The following PYM1 variants were observed in gnomAD, a reference collection of about 807,000 sequenced individuals.
The protein encoded by PYM1 is PYM1 exon junction complex associated factor, also known as partner of Y14 and mago.
PYM1 carries 7 observed loss-of-function variants against 20.7 expected under a neutral mutation model. The ratio of observed to expected loss-of-function variants is 0.34; its 90% CI spans 0.19 to 0.64. The LOEUF (loss-of-function observed/expected upper bound fraction) is 0.64, where lower values mean the gene tolerates loss of function less well. Ranked by LOEUF, PYM1 falls within the 30% of genes least tolerant of loss-of-function variation. The pLI, the probability that PYM1 is intolerant of heterozygous loss-of-function variation, is 0.74. For synonymous variants in PYM1, 100 were observed against 99.2 expected, an observed-to-expected ratio of 1.01 and a Z score of -0.05; for missense variants, 194 against 250.0, an observed-to-expected ratio of 0.78 and a Z score of 1.51.
At chr12:55,914,211 C>G in intron 1 of PYM1, 1 of 681,282 alleles carries the variant, frequency 1.5e-6, no homozygotes. Context: ...GCAGAAGCTT[C>G]TTGAATGGCC....
At chr12:55,922,407 C>G (rs1883112566) in intron 1 of PYM1, among the ~76,000 whole-genome samples, 1 of 124,582 alleles carries the variant, frequency 8.0e-6, no homozygotes, top group African/African-American at 3.1e-5. Context: ...CTCAGGAGTT[C>G]AAGACCAGCC....
chr12:55,909,390 C>CT (rs1882881539), intron 1 of PYM1, among the ~76,000 whole-genome samples: 1 of 152,110 alleles, frequency 6.6e-6, no homozygotes, highest in African/African-American at 2.4e-5. Context: ...GAGACAAGGG[C>CT]TGGAATGTTC....
At chr12:55,924,965 G>A (rs760307115) in intron 1 of PYM1, among the ~76,000 whole-genome samples, 8 of 152,188 alleles carry the variant, frequency 5.3e-5, no homozygotes, top group Non-Finnish European at 1.0e-4. Context: ...GATTATAGGC[G>A]TGAGCCGCCA....
In PYM1 at chr12:55,905,539, T is replaced by C. The variant is rs539855150; in HGVS notation, c.38-2059A>G. Among the ~76,000 whole-genome samples, 12 of 149,596 alleles carry C rather than the reference T, an allele frequency of 8.0e-5. No individual in the cohort carries two copies. The South Asian group carries it at 1.9e-3, about 24-fold the overall frequency. On this transcript the variant is annotated intron_variant, in intron 1 of 2. Coordinates refer to ENST00000408946, the MANE Select transcript of PYM1 (RefSeq NM_032345.3). ...TAATATGACAAAACCCTGTCTCTAC[T>C]AAAAATACAAAAATTAGCTGGGCGT...
At chr12:55,912,182 C>G (rs1882935371) in intron 1 of PYM1, among the ~76,000 whole-genome samples, 1 of 151,214 alleles carries the variant, frequency 6.6e-6, no homozygotes, top group South Asian at 2.1e-4. Context: ...AACCCTATCT[C>G]TACGAAAATA....
intron 1 of PYM1, among the ~76,000 whole-genome samples, chr12:55,905,228 C>G (rs2136257509): frequency 6.7e-6 from 1 of 150,116 alleles, no homozygotes; most frequent in South Asian, 2.1e-4. Flanking sequence ...CCAGAATGGT[C>G]TCAATCTCCT....
chr12:55,908,326 C>T (rs1403087573), intron 1 of PYM1, among the ~76,000 whole-genome samples: 3 of 150,586 alleles, frequency 2.0e-5, no homozygotes, highest in Admixed American at 6.6e-5. Context: ...CTACTGGGGA[C>T]GCAGAGGCAT....
intron 1 of PYM1, among the ~76,000 whole-genome samples, chr12:55,907,463 C>CAAA (rs770960966): frequency 3.8e-5 from 2 of 51,974 alleles, no homozygotes; most frequent in African/African-American, 6.3e-5. Flanking sequence ...TACATAAATA[C>CAAA]AAAAAAAAAA....
At chr12:55,904,595 C>CAAAAAAAA (rs57817659) in intron 1 of PYM1, among the ~76,000 whole-genome samples, 19 of 66,958 alleles carry the variant, frequency 2.8e-4, no homozygotes, top group Non-Finnish European at 4.0e-4. Context: ...GACTCCATCT[C>CAAAAAAAA]AAAAAAAAAA....
chr12:55,905,606 G>C lies in PYM1; in HGVS notation c.38-2126C>G, dbSNP rs533363363. Among the ~76,000 whole-genome samples the C allele has an allele frequency of 2.8e-4, 42 of 149,462 alleles. 1 individual carries two copies. Among genetic ancestry groups the C allele is most frequent in the Middle Eastern group, 6.8e-3 (2 of 292 alleles). ...AATCCTAGCTACCCGGGAGGCTGAG[G>C]CAGGGAGAACTGCTTGAACCCACGA... is the stretch of plus-strand genomic sequence containing the variant. On this transcript the variant is annotated intron_variant, in intron 1 of 2. Transcript: ENST00000408946.
chr12:55,912,023 G>A (rs879373402), intron 1 of PYM1, among the ~76,000 whole-genome samples: 1 of 152,084 alleles, frequency 6.6e-6, no homozygotes, highest in Non-Finnish European at 1.5e-5. Flanking sequence ...AACATATTGA[G>A]ACCCTATCTC....
intron 1 of PYM1, among the ~76,000 whole-genome samples, chr12:55,920,004 TGAGAACA>T (rs1386307966): frequency 6.6e-6 from 1 of 151,680 alleles, no homozygotes; most frequent in Non-Finnish European, 1.5e-5. Context: ...AAAATGAGTT[TGAGAACA>T]GCCTGGGCAA....
Position 55,927,714 on chromosome 12 carries a change from G to C in PYM1, c.37+11C>G. The C allele has an allele frequency of 6.5e-7, 1 of 1,539,542 alleles. No homozygotes were observed. Among genetic ancestry groups the C allele is most frequent in the South Asian group, 1.2e-5 (1 of 83,904 alleles). ...GGGCGTGCAAGGCGGAGGGCGCCGC[G>C]GGTCGGTCACCTGTCTCCGTAGCCG... On this transcript the variant is annotated intron_variant, in intron 1 of 2. Coordinates refer to ENST00000408946, the MANE Select transcript of PYM1 (RefSeq NM_032345.3).
At chr12:55,917,978 C>CAA (rs914728589) in intron 1 of PYM1, among the ~76,000 whole-genome samples, 13 of 146,646 alleles carry the variant, frequency 8.9e-5, no homozygotes, top group African/African-American at 3.2e-4. Context: ...AACAAACAAA[C>CAA]AAAAAAAAAA....
chr12:55,906,897 C>T (rs1217201636), intron 1 of PYM1, among the ~76,000 whole-genome samples: 1 of 151,994 alleles, frequency 6.6e-6, no homozygotes, highest in Non-Finnish European at 1.5e-5. Context: ...ATCCACCCGC[C>T]TCGGCCTCCC....
chr12:55,905,601 C>A (rs893765096), intron 1 of PYM1, among the ~76,000 whole-genome samples: 2 of 149,312 alleles, frequency 1.3e-5, no homozygotes, highest in African/African-American at 4.9e-5. Context: ...ACCCGGGAGG[C>A]TGAGGCAGGG....
intron 1 of PYM1, among the ~76,000 whole-genome samples, chr12:55,910,098 A>T (rs187537997): frequency 5.9e-5 from 9 of 152,184 alleles, no homozygotes; most frequent in Admixed American, 2.0e-4. Context: ...CCAGCTACTC[A>T]GGAGGGTGAC....
At chr12:55,902,508 C>T (rs911590672) in intron 2 of PYM1, among the ~76,000 whole-genome samples, 153 bp from the exon 3 acceptor site, 3 of 152,152 alleles carry the variant, frequency 2.0e-5, no homozygotes, top group Admixed American at 1.3e-4. Flanking sequence ...GATAGAGTCT[C>T]GCTCAGTTGC....
At chr12:55,924,259 C>T (rs10876862) in intron 1 of PYM1, among the ~76,000 whole-genome samples, 120,929 of 151,928 alleles carry the variant, frequency 0.8, 48,217 homozygotes, top group Middle Eastern at 0.89. Flanking sequence ...ATAGGCAACT[C>T]GAGAGAGGGT....
Sources: allele counts gnomAD v4.1 joint callset (sites outside exome capture counted in the v4.1 genomes callset), GRCh38; gene constraint gnomAD v4.1.1; transcripts MANE v1.5; gene names NCBI Gene and HGNC (gene_info 2026-07-23, HGNC 2026-07-21).